CADM1: variants seen among roughly 807,000 people sequenced by gnomAD.
CADM1 encodes cell adhesion molecule 1.
CADM1 carries 15 observed loss-of-function variants against 53.1 expected under a neutral mutation model. The ratio of observed to expected loss-of-function variants is 0.28; its 90% CI spans 0.19 to 0.44. The LOEUF (loss-of-function observed/expected upper bound fraction) is 0.44. Ranked by LOEUF, CADM1 falls within the 20% of genes least tolerant of loss-of-function variation. CADM1 has a pLI of 1.00. For synonymous variants in CADM1, 281 were observed against 243.0 expected (o/e 1.16, Z -1.45); for missense variants, 434 against 611.3 (o/e 0.71, Z 3.06).
chr11:115,439,740 A>C (rs1948266268), intron 1 of CADM1, among the ~76,000 whole-genome samples: 1 of 152,218 alleles, frequency 6.6e-6, no homozygotes, highest in Admixed American at 6.5e-5. Flanking sequence ...GAGAGAGAGA[A>C]TCCATAACAC....
chr11:115,502,638 A>C (rs1591312728), intron 1 of CADM1, among the ~76,000 whole-genome samples: 1 of 151,980 alleles, frequency 6.6e-6, no homozygotes, highest in Middle Eastern at 3.4e-3. Context: ...GAGGAAAAAA[A>C]CCCTCAGCGC....
chr11:115,221,158 A>G (rs1276316025), intron 5 of CADM1, among the ~76,000 whole-genome samples: 2 of 152,194 alleles, frequency 1.3e-5, no homozygotes, highest in Non-Finnish European at 2.9e-5. Context: ...GAAATGTATC[A>G]CTCAGAATGG....
intron 1 of CADM1, among the ~76,000 whole-genome samples, chr11:115,340,656 A>T (rs373788479): frequency 0.32 from 16,483 of 51,416 alleles, 3,246 homozygotes; most frequent in Non-Finnish European, 0.4. Context: ...ATATATATAT[A>T]TATTTTTTTT....
chr11:115,312,834 G>C lies in CADM1; in HGVS notation c.125-72414C>G, dbSNP rs144261545. ...TGGGAACGTAGCAGAAGAGACTAAA[G>C]CCAGTCTAACCACAGGTTAAAATGT... On this transcript the variant is annotated intron_variant, in intron 1 of 11. Coordinates refer to ENST00000331581, the MANE Select transcript of CADM1 (RefSeq NM_001301043.2). 9.6e-3 allele frequency among the ~76,000 whole-genome samples: 1,462 copies of C among 152,222 alleles called. 13 individuals are homozygous for C. Among genetic ancestry groups the C allele is most frequent in the Non-Finnish European group, 0.016 (1,059 of 67,988 alleles).
intron 1 of CADM1, among the ~76,000 whole-genome samples, chr11:115,288,371 G>C (rs1010404532): frequency 6.6e-6 from 1 of 151,996 alleles, no homozygotes; most frequent in South Asian, 2.1e-4. Context: ...ACAGGGTTTT[G>C]TTACTTGCAG....
At chr11:115,255,220 A>G (rs1739394649) in intron 1 of CADM1, among the ~76,000 whole-genome samples, 1 of 152,198 alleles carries the variant, frequency 6.6e-6, no homozygotes, top group Admixed American at 6.5e-5. Flanking sequence ...CCTTCTAAGG[A>G]AAGACCAGCA....
chr11:115,242,674 T>C (rs971582312), intron 1 of CADM1, among the ~76,000 whole-genome samples: 2 of 152,188 alleles, frequency 1.3e-5, no homozygotes, highest in Non-Finnish European at 2.9e-5. Flanking sequence ...ACGGTCTTAC[T>C]GGGTTATGGG....
chr11:115,414,611 T>A (rs893591822), intron 1 of CADM1, among the ~76,000 whole-genome samples: 1 of 152,194 alleles, frequency 6.6e-6, no homozygotes, highest in African/African-American at 2.4e-5. Flanking sequence ...AGCCAAATCA[T>A]GAGCCAAAGA....
At chr11:115,294,912 C>T (rs1227336246) in intron 1 of CADM1, among the ~76,000 whole-genome samples, 4 of 152,036 alleles carry the variant, frequency 2.6e-5, no homozygotes, top group African/African-American at 7.3e-5. Context: ...GTGGCATGCA[C>T]CTGTAATCCC....
At chr11:115,184,238 T>A (rs1335879999) in intron 10 of CADM1, among the ~76,000 whole-genome samples, 4 of 152,168 alleles carry the variant, frequency 2.6e-5, no homozygotes, top group African/African-American at 9.7e-5. Flanking sequence ...TGGCACCATC[T>A]GAAAAATGTA....
chr11:115,460,122 C>A (rs930754230), intron 1 of CADM1, among the ~76,000 whole-genome samples: 3 of 152,002 alleles, frequency 2.0e-5, no homozygotes, highest in Non-Finnish European at 4.4e-5. Context: ...CCCCTACCTT[C>A]CAAACCCCCT....
rs1754575682 is a variant in CADM1, at chr11:115,250,689, T to C, written c.125-10269A>G. Among the ~76,000 whole-genome samples, 3 of 152,372 alleles carry C rather than the reference T, an allele frequency of 2.0e-5. No individual in the cohort carries two copies. In the South Asian group the frequency reaches 6.2e-4, roughly 32 times the overall value. ...AACAATAGCTAATGTATTTTTAAAA[T>C]GTTTTCTATGCAAGGCGCTATGCTT... On this transcript the variant is annotated intron_variant, in intron 1 of 11. Transcript: ENST00000331581.
chr11:115,356,743 A>G (rs1479705599), intron 1 of CADM1, among the ~76,000 whole-genome samples: 1 of 152,212 alleles, frequency 6.6e-6, no homozygotes, highest in African/African-American at 2.4e-5. Context: ...GCTAAACTAA[A>G]AAACTTTTGT....
chr11:115,393,343 T>C (rs1297645660), intron 1 of CADM1, among the ~76,000 whole-genome samples: 1 of 151,716 alleles, frequency 6.6e-6, no homozygotes, highest in Non-Finnish European at 1.5e-5. Context: ...ACTATACTTT[T>C]ATGGATTATC....
rs77671674 is a variant in CADM1 at position 115,273,244 on chromosome 11, T to G, written c.125-32824A>C. ...TAAATGGCTAAAAATAAAACCTTGC[T>G]TGACCACAACCAAGAGGCCTAAGAC... On this transcript the variant is annotated intron_variant, in intron 1 of 11. Transcript: ENST00000331581. 2.6e-3 allele frequency among the ~76,000 whole-genome samples: 398 copies of G among 152,342 alleles called. 5 individuals are homozygous for G. The East Asian group carries it at 0.033, about 13-fold the overall frequency.
chr11:115,328,130 C>T (rs575878715), intron 1 of CADM1, among the ~76,000 whole-genome samples: 1 of 152,134 alleles, frequency 6.6e-6, no homozygotes, highest in African/African-American at 2.4e-5. Flanking sequence ...CTTCTGTTGA[C>T]CTCCGATTTT....
chr11:115,412,698 A>G (rs115458392), intron 1 of CADM1, among the ~76,000 whole-genome samples: 315 of 152,310 alleles, frequency 2.1e-3, no homozygotes, highest in African/African-American at 7.1e-3. Flanking sequence ...CACTGGAGTT[A>G]CAAATGCAAT....
chr11:115,423,795 AGAAAC>A (rs1947821022), intron 1 of CADM1, among the ~76,000 whole-genome samples: 1 of 152,230 alleles, frequency 6.6e-6, no homozygotes, highest in Non-Finnish European at 1.5e-5. Context: ...AAGCGTGAAA[AGAAAC>A]AAGTTGAAGT....
chr11:115,372,968 T>C (rs1946345536), intron 1 of CADM1, among the ~76,000 whole-genome samples: 1 of 152,218 alleles, frequency 6.6e-6, no homozygotes, highest in Non-Finnish European at 1.5e-5. Context: ...TCAATTAACA[T>C]TTCTGCCTAA....
Sources: allele counts gnomAD v4.1 joint callset (sites outside exome capture counted in the v4.1 genomes callset), GRCh38; gene constraint gnomAD v4.1.1; transcripts MANE v1.5; gene names NCBI Gene and HGNC (gene_info 2026-07-23, HGNC 2026-07-21).